Variants in RPGR observed in about 807,000 individuals in gnomAD.
RPGR encodes retinitis pigmentosa GTPase regulator.
RPGR carries 10 observed loss-of-function variants against 56.3 expected under a neutral mutation model. The observed-to-expected ratio is 0.18, with a 90% confidence interval of 0.11 to 0.30. The LOEUF (loss-of-function observed/expected upper bound fraction) is 0.30. Among genes scored for constraint, RPGR ranks in the 10% least tolerant of loss-of-function variants. The pLI is 1.00. For synonymous variants in RPGR, 197 were observed against 212.9 expected (o/e 0.93, Z 0.65); for missense variants, 538 against 590.9 (o/e 0.91, Z 0.93).
At chrX:38,321,759 C>T (rs1398959144) in intron 3 of RPGR, among the ~76,000 whole-genome samples, 1 of 111,521 alleles carries the variant, frequency 9.0e-6, no homozygotes, top group Non-Finnish European at 1.9e-5. Context: ...ATTACCTAAC[C>T]TGCCATCACC....
chrX:38,327,499 A>C lies in RPGR; in HGVS notation c.-132T>G, dbSNP rs1043686498. ...CAAGTTCCGCATGGCGAAACTCCGG[A>C]GATCAACTACAACCGCGCTCCCGGA... On this transcript the variant is annotated 5_prime_UTR_variant, in exon 1 of 19. Coordinates refer to ENST00000642395, the MANE Select transcript of RPGR (RefSeq NM_000328.3). 5 of 610,796 alleles carry C rather than the reference A, an allele frequency of 8.2e-6. No individual in the cohort carries two copies. The East Asian group carries it at 2.1e-4, about 26-fold the overall frequency. The allele number at this position is 610,796 out of a possible 1,213,427, so 50.3% of individuals were successfully genotyped here.
intron 1 of RPGR, among the ~76,000 whole-genome samples, chrX:38,325,617 T>A (rs1320974691): frequency 8.9e-6 from 1 of 112,142 alleles, no homozygotes. Flanking sequence ...TAGTTAGTTA[T>A]AGAGATGTCT....
chrX:38,318,934 C>A lies in RPGR; in HGVS notation c.364G>T (p.Gly122Cys). 8.3e-7 allele frequency: 1 copy of A among 1,211,797 alleles called. No individual in the cohort carries two copies. The highest frequency in any genetic ancestry group is 1.1e-6 in the Non-Finnish European group (1 of 895,373). ...AAAGTGTTTCTTTCTTCGGTGTCAC[C>A]AAGCCCCAACTGTCCTTCATTATTT... Residue 122 changes from glycine to cysteine, a missense_variant, in exon 5 of 19, where the codon GGT (glycine) becomes TGT (cysteine). This residue lies in a region of RPGR where 181 missense variants were observed against 265.1 expected (regional missense o/e 0.68). Coordinates refer to ENST00000642395, the MANE Select transcript of RPGR (RefSeq NM_000328.3).
At position 38,290,952 on chromosome X, in the gene RPGR, AT is replaced by A; in HGVS notation, c.1572+6del. 1.0e-6 allele frequency: 1 copy of A among 979,428 alleles called. No individual in the cohort carries two copies. The highest frequency in any genetic ancestry group is 1.4e-6 in the Non-Finnish European group (1 of 703,936). The allele number at this position is 979,428 out of a possible 1,213,427, so 80.7% of individuals were successfully genotyped here. A position where few individuals can be genotyped will look rare whatever the true frequency, so the allele number is the denominator to read the frequency against. ...AACAATAACGAAAATAAATCTTCAT[AT>A]TATACCTTTTGTTTCTGAACTGGTG... is the stretch of plus-strand genomic sequence containing the variant. On this transcript the variant is annotated splice_donor_region_variant and intron_variant, in intron 13 of 18. Transcript: ENST00000642395.
chrX:38,279,727 T>C (rs1452565605), intron 15 of RPGR, among the ~76,000 whole-genome samples: 1 of 102,587 alleles, frequency 9.7e-6, no homozygotes, highest in Admixed American at 1.0e-4. Context: ...GTGGGTATTA[T>C]AGTTTTTTAA....
In RPGR at chrX:38,277,389, G is replaced by C. The variant is rs141442516; in HGVS notation, c.1906-617C>G. Among the ~76,000 whole-genome samples the C allele has an allele frequency of 8.2e-3, 909 of 111,517 alleles. 10 individuals are homozygous for C. The highest frequency in any genetic ancestry group is 0.027 in the African/African-American group (826 of 30,773). On this transcript the variant is annotated intron_variant, in intron 15 of 18. Coordinates refer to ENST00000642395, the MANE Select transcript of RPGR (RefSeq NM_000328.3). ...GATAAAAGAGGCTGTCTATGGATTT[G>C]ATAGACTGATAGTAAATCATGGAAT...
rs753709095 is a variant in RPGR, at chrX:38,269,584, C to T, written c.*42G>A. 1.0e-6 allele frequency: 1 copy of T among 960,245 alleles called. No homozygotes were observed. Among genetic ancestry groups the T allele is most frequent in the Non-Finnish European group, 1.5e-6 (1 of 672,196 alleles). The allele number at this position is 960,245 out of a possible 1,213,427, so 79.1% of individuals were successfully genotyped here. ...TAAGTTATAACATTTTTCAAGTATA[C>T]ATTACAATACACTTGGTGACTGTGA... is the stretch of plus-strand genomic sequence containing the variant. On this transcript the variant is annotated 3_prime_UTR_variant, in exon 19 of 19. Transcript: ENST00000642395.
At chrX:38,291,190 C>G (rs1476139171) in intron 12 of RPGR, among the ~76,000 whole-genome samples, 166 bp from the exon 13 acceptor site, 1 of 106,846 alleles carries the variant, frequency 9.4e-6, no homozygotes, top group Non-Finnish European at 1.9e-5. Context: ...AATCCGCTCT[C>G]AATTGCCATA....
At chrX:38,279,073 C>T (rs1014701238) in intron 15 of RPGR, 3 of 259,177 alleles carry the variant, frequency 1.2e-5, no homozygotes, top group Non-Finnish European at 2.2e-5. Context: ...GACATTTTCA[C>T]TAGAAATCAC....
chrX:38,327,425 G>A lies in RPGR; in HGVS notation c.-58C>T. 2 of 1,116,553 alleles carry A rather than the reference G, an allele frequency of 1.8e-6. No individual in the cohort carries two copies. The highest frequency in any genetic ancestry group is 2.4e-6 in the Non-Finnish European group (2 of 834,986). The allele number at this position is 1,116,553 out of a possible 1,213,427, so 92.0% of individuals were successfully genotyped here. On this transcript the variant is annotated 5_prime_UTR_variant, in exon 1 of 19. Coordinates refer to ENST00000642395, the MANE Select transcript of RPGR (RefSeq NM_000328.3). ...CCAGGAGGCTGTAGAGGACGGTTTGGTCGGGGCTAAAGCAGCTACTCCGCA... is the reference window on the plus strand; with the variant it reads ...CCAGGAGGCTGTAGAGGACGGTTTGATCGGGGCTAAAGCAGCTACTCCGCA...
intron 11 of RPGR, 29 bp from the exon 12 acceptor site, chrX:38,291,513 C>G: frequency 2.3e-6 from 2 of 884,103 alleles, no homozygotes; most frequent in Admixed American, 4.4e-5. Context: ...AAAAGGAAAT[C>G]CAGATTTCAA....
chrX:38,299,601 T>G (rs1302481871), intron 9 of RPGR, among the ~76,000 whole-genome samples: 2 of 111,135 alleles, frequency 1.8e-5, no homozygotes. Context: ...ATATGAACAT[T>G]TTCTAAGTTT....
intron 7 of RPGR, among the ~76,000 whole-genome samples, chrX:38,308,424 A>C (rs1316960075): frequency 8.9e-6 from 1 of 112,190 alleles, no homozygotes; most frequent in Non-Finnish European, 1.9e-5. Flanking sequence ...TAAGAATTTA[A>C]AATTAAGAAT....
chrX:38,317,512 A>T, intron 5 of RPGR, 47 bp from the exon 6 acceptor site: 3 of 1,080,359 alleles, frequency 2.8e-6, no homozygotes, highest in Non-Finnish European at 3.8e-6. Context: ...AAAGGTAGCC[A>T]GGCTCTGAAG....
intron 13 of RPGR, among the ~76,000 whole-genome samples, chrX:38,288,935 C>T (rs939675169): frequency 9.1e-6 from 1 of 109,669 alleles, no homozygotes; most frequent in Non-Finnish European, 1.9e-5. Context: ...GTGCATGCCA[C>T]CACATCCAGC....
At chrX:38,326,465 A>T (rs2068047442) in intron 1 of RPGR, among the ~76,000 whole-genome samples, 1 of 111,926 alleles carries the variant, frequency 8.9e-6, no homozygotes, top group Non-Finnish European at 1.9e-5. Context: ...GTGTGTGTGG[A>T]ATCTAAGTGG....
At chrX:38,319,425 A>C (rs2067889302) in intron 4 of RPGR, among the ~76,000 whole-genome samples, 1 of 112,366 alleles carries the variant, frequency 8.9e-6, no homozygotes, top group Non-Finnish European at 1.9e-5. Flanking sequence ...AGAAGAATCT[A>C]ATTAGAAACA....
chrX:38,324,730 T>C (rs1465862141), intron 1 of RPGR, among the ~76,000 whole-genome samples: 1 of 104,618 alleles, frequency 9.6e-6, no homozygotes, highest in Non-Finnish European at 2.0e-5. Flanking sequence ...GTAGAATTTA[T>C]ATGGCAAATA....
chrX:38,305,284 T>C (rs990029837), intron 7 of RPGR, among the ~76,000 whole-genome samples: 6 of 111,330 alleles, frequency 5.4e-5, no homozygotes, highest in Admixed American at 4.8e-4. Flanking sequence ...CATGATGGCA[T>C]GCATCTGTAA....
Sources: allele counts gnomAD v4.1 joint callset (sites outside exome capture counted in the v4.1 genomes callset), GRCh38; gene constraint gnomAD v4.1.1; regional missense constraint gnomAD v4.1.1; transcripts MANE v1.5; gene names NCBI Gene and HGNC (gene_info 2026-07-23, HGNC 2026-07-21).